The following CDH4 variants were observed in gnomAD, a reference collection of about 807,000 sequenced individuals.
CDH4 encodes cadherin 4.
In CDH4, 33 loss-of-function variants were observed where a neutral mutation model predicts 86.0. That is an observed-to-expected ratio of 0.38 (90% CI 0.29 to 0.51). The LOEUF (loss-of-function observed/expected upper bound fraction) is 0.51, where lower values mean the gene tolerates loss of function less well. Among genes scored for constraint, CDH4 ranks in the 20% least tolerant of loss-of-function variants. The pLI, the probability that CDH4 is intolerant of heterozygous loss-of-function variation, is 0.86. For missense variants in CDH4, 1,114 were observed against 1,307.4 expected (o/e 0.85, Z 2.28); for synonymous variants, 555 against 549.4 (o/e 1.01, Z -0.14).
rs141418569 is a variant in CDH4 at position 61,687,612 on chromosome 20, C to T, written c.170-55951C>T. 2.0e-5 allele frequency among the ~76,000 whole-genome samples: 3 copies of T among 152,284 alleles called. No homozygotes were observed. In the East Asian group the frequency reaches 5.8e-4, roughly 29 times the overall value. ...AAAATAGATTTGACAAAATGTAAAACAGGCTAGGGTTTCCTCTCTGCTAAA... is the reference window on the plus strand; with the variant it reads ...AAAATAGATTTGACAAAATGTAAAATAGGCTAGGGTTTCCTCTCTGCTAAA... On this transcript the variant is annotated intron_variant, in intron 2 of 15. Coordinates refer to ENST00000614565, the MANE Select transcript of CDH4 (RefSeq NM_001794.5).
rs562840373 is a variant in CDH4 at position 61,595,462 on chromosome 20, A to T, written c.170-148101A>T. 2.0e-5 allele frequency among the ~76,000 whole-genome samples: 3 copies of T among 152,358 alleles called. No homozygotes were observed. The East Asian group carries it at 5.8e-4, about 29-fold the overall frequency. ...CTTCCCCACCAAACGCTGTCCGAGA[A>T]GTCCATGGACGGAAGGACGGGCTGT... On this transcript the variant is annotated intron_variant, in intron 2 of 15. Coordinates refer to ENST00000614565, the MANE Select transcript of CDH4 (RefSeq NM_001794.5).
In CDH4 at chr20:61,902,894, CT is replaced by C. The variant is rs1318698127; in HGVS notation, c.1189-7527del. ...CACACACAGCAGAGGTGGCACAGGC[CT>C]GTAGCTCCAGCTACATGGGAGGCCG... is the stretch of plus-strand genomic sequence containing the variant. On this transcript the variant is annotated intron_variant, in intron 8 of 15. Coordinates refer to ENST00000614565, the MANE Select transcript of CDH4 (RefSeq NM_001794.5). The surrounding 1 kb of genome is among the most constrained non-coding windows in gnomAD (Gnocchi z 4.6). Among the ~76,000 whole-genome samples, 1 of 152,046 alleles carries C rather than the reference CT, an allele frequency of 6.6e-6. No individual in the cohort carries two copies. The highest frequency in any genetic ancestry group is 2.4e-5 in the African/African-American group (1 of 41,394).
chr20:61,629,393 A>T (rs569861600), intron 2 of CDH4, among the ~76,000 whole-genome samples: 34 of 41,068 alleles, frequency 8.3e-4, no homozygotes, highest in African/African-American at 4.9e-3. Context: ...GAAATGAAAT[A>T]AAAAAAAAAA....
At chr20:61,903,734 C>T (rs1313753046) in intron 8 of CDH4, among the ~76,000 whole-genome samples, 2 of 152,140 alleles carry the variant, frequency 1.3e-5, no homozygotes, top group African/African-American at 4.8e-5. Flanking sequence ...GGGGCCAGTG[C>T]AGCCTCAGCG....
chr20:61,531,472 CAAAAAAAA>C (rs956436259), intron 2 of CDH4, among the ~76,000 whole-genome samples: 1 of 44,100 alleles, frequency 2.3e-5, no homozygotes, highest in Admixed American at 2.3e-4. Context: ...GACTGCATCT[CAAAAAAAA>C]AAAAAAAAAA....
At chr20:61,303,172 C>T (rs1184339630) in intron 2 of CDH4, among the ~76,000 whole-genome samples, 1 of 152,200 alleles carries the variant, frequency 6.6e-6, no homozygotes, top group Admixed American at 6.5e-5. Context: ...CATGTGGCTC[C>T]CCTTCCTATG....
At position 61,476,799 on chromosome 20, in the gene CDH4, CTG is replaced by C. The variant is rs1568858817; in HGVS notation, c.169+221865_169+221866del. 1.1e-4 allele frequency among the ~76,000 whole-genome samples: 16 copies of C among 152,358 alleles called. No homozygotes were observed. In the South Asian group the frequency reaches 3.1e-3, roughly 30 times the overall value. On this transcript the variant is annotated intron_variant, in intron 2 of 15. Coordinates refer to ENST00000614565, the MANE Select transcript of CDH4 (RefSeq NM_001794.5). ...AAGGACATGGCTGGGGACAGGATGT[CTG>C]TGCATGGATCCCAGGAATACTGACA...
intron 2 of CDH4, among the ~76,000 whole-genome samples, chr20:61,330,997 G>T (rs959691309): frequency 1.3e-5 from 2 of 152,062 alleles, no homozygotes; most frequent in African/African-American, 2.4e-5. Context: ...CAGTTATAAG[G>T]TGGCCATTTT....
chr20:61,729,794 G>A (rs1052414673), intron 2 of CDH4, among the ~76,000 whole-genome samples: 6 of 152,196 alleles, frequency 3.9e-5, no homozygotes, highest in Non-Finnish European at 5.9e-5. Context: ...ATGAGGATGT[G>A]AGATTACAGC....
chr20:61,627,523 C>T (rs573284941), intron 2 of CDH4, among the ~76,000 whole-genome samples: 18 of 152,340 alleles, frequency 1.2e-4, no homozygotes, highest in East Asian at 1.9e-4. Flanking sequence ...CACCAGACAT[C>T]GCCAAGTGTC....
At chr20:61,284,704 A>C (rs545277743) in intron 2 of CDH4, among the ~76,000 whole-genome samples, 1 of 152,358 alleles carries the variant, frequency 6.6e-6, no homozygotes, top group African/African-American at 2.4e-5. Context: ...ATTGATAAAT[A>C]GGCAAAACCC....
intron 2 of CDH4, among the ~76,000 whole-genome samples, chr20:61,281,505 G>T (rs377396572): frequency 6.6e-6 from 1 of 152,214 alleles, no homozygotes; most frequent in Non-Finnish European, 1.5e-5. Flanking sequence ...AGTGTCTGTT[G>T]TTTGTGGGCC....
At chr20:61,883,660 GAC>G (rs1167217213) in intron 7 of CDH4, among the ~76,000 whole-genome samples, 4 of 152,198 alleles carry the variant, frequency 2.6e-5, no homozygotes, top group Admixed American at 2.6e-4. Context: ...AGTCGGGTGT[GAC>G]TGCCCGGCCC....
At chr20:61,505,931 A>G (rs1364109939) in intron 2 of CDH4, among the ~76,000 whole-genome samples, 2 of 152,156 alleles carry the variant, frequency 1.3e-5, no homozygotes, top group African/African-American at 2.4e-5. Flanking sequence ...TGAGAAAGGA[A>G]CTCAGACATG....
At chr20:61,689,634 T>C (rs1157227893) in intron 2 of CDH4, among the ~76,000 whole-genome samples, 1 of 146,884 alleles carries the variant, frequency 6.8e-6, no homozygotes, top group Admixed American at 6.7e-5. Flanking sequence ...GGGACAGTGG[T>C]TGGTGAGGTG....
rs892539291 is a variant in CDH4, at chr20:61,480,184, AT to A, written c.169+225253del. 4.0e-5 allele frequency among the ~76,000 whole-genome samples: 6 copies of A among 151,580 alleles called. No homozygotes were observed. Among genetic ancestry groups the A allele is most frequent in the African/African-American group, 1.5e-4 (6 of 41,244 alleles). ...ATTGCTTTTTATTCTCATGGGCCCTATTTTTTCCCCAACAGACTCCCAATCC... is the reference window on the plus strand; with the variant it reads ...ATTGCTTTTTATTCTCATGGGCCCTATTTTTCCCCAACAGACTCCCAATCC... On this transcript the variant is annotated intron_variant, in intron 2 of 15. Coordinates refer to ENST00000614565, the MANE Select transcript of CDH4 (RefSeq NM_001794.5). This position sits in a 1 kb window ranked among gnomAD's most constrained non-coding sequence, Gnocchi z 5.2.
intron 2 of CDH4, among the ~76,000 whole-genome samples, chr20:61,711,234 G>A (rs6089484): frequency 0.66 from 100,900 of 151,928 alleles, 35,140 homozygotes; most frequent in Non-Finnish European, 0.77. Context: ...TCTTGTGAAG[G>A]AGGATGTGTT....
chr20:61,760,759 C>T (rs1457547477), intron 3 of CDH4, among the ~76,000 whole-genome samples: 3 of 152,184 alleles, frequency 2.0e-5, no homozygotes, highest in Admixed American at 6.5e-5. Flanking sequence ...AAAATGATGT[C>T]GCCTTTTTAT....
chr20:61,447,053 A>T (rs1161319406), intron 2 of CDH4, among the ~76,000 whole-genome samples: 2 of 152,046 alleles, frequency 1.3e-5, no homozygotes, highest in African/African-American at 4.8e-5. Flanking sequence ...ATTTGGAGGA[A>T]TTCTTTGTAT....
Sources: allele counts gnomAD v4.1 joint callset (sites outside exome capture counted in the v4.1 genomes callset), GRCh38; gene constraint gnomAD v4.1.1; non-coding constraint Gnocchi (gnomAD v3.1); transcripts MANE v1.5; gene names NCBI Gene and HGNC (gene_info 2026-07-23, HGNC 2026-07-21).